The following VPS13B variants were observed in gnomAD, a reference collection of about 807,000 sequenced individuals.
The protein encoded by VPS13B is vacuolar protein sorting 13 homolog B.
Under a neutral mutation model 426.4 loss-of-function variants are expected in VPS13B, and 285 were observed. That is an observed-to-expected ratio of 0.67 (90% CI 0.61 to 0.74). The LOEUF (loss-of-function observed/expected upper bound fraction) is 0.74, where lower values mean the gene tolerates loss of function less well. VPS13B is among the 30% of genes least tolerant of loss of function. VPS13B has a pLI of 0.00. For missense variants in VPS13B, 4,537 were observed against 4,782.6 expected (o/e 0.95, Z 1.51); for synonymous variants, 1,676 against 1,676.4 (o/e 1.00, Z 0.01).
intron 21 of VPS13B, among the ~76,000 whole-genome samples, chr8:99,412,726 T>C (rs1040956786): frequency 6.6e-6 from 1 of 152,184 alleles, no homozygotes; most frequent in African/African-American, 2.4e-5. Flanking sequence ...ATAGCTCTTA[T>C]TATTTTGAGA....
At chr8:99,857,999 G>A (rs797017272) in intron 56 of VPS13B, among the ~76,000 whole-genome samples, 10 of 152,274 alleles carry the variant, frequency 6.6e-5, no homozygotes, top group East Asian at 3.9e-4. Context: ...GGGATTCTTC[G>A]GGACCTTGGC....
At chr8:99,271,195 A>AACTACTACT (rs10538522) in intron 17 of VPS13B, among the ~76,000 whole-genome samples, 12 of 145,288 alleles carry the variant, frequency 8.3e-5, no homozygotes, top group Admixed American at 3.5e-4. Flanking sequence ...TGCTACCACT[A>AACTACTACT]ACTACTACTA....
At chr8:99,581,401 A>G (rs1826052050) in intron 33 of VPS13B, among the ~76,000 whole-genome samples, 1 of 152,160 alleles carries the variant, frequency 6.6e-6, no homozygotes, top group Non-Finnish European at 1.5e-5. Context: ...AAATGACTGG[A>G]TGATGGATTA....
chr8:99,388,789 G>A (rs1217822384), intron 20 of VPS13B, among the ~76,000 whole-genome samples: 2 of 152,178 alleles, frequency 1.3e-5, no homozygotes, highest in African/African-American at 4.8e-5. Context: ...GCATACAAGA[G>A]CCTTACTCTT....
At chr8:99,747,404 T>C (rs1305814727) in intron 39 of VPS13B, among the ~76,000 whole-genome samples, 1 of 152,074 alleles carries the variant, frequency 6.6e-6, no homozygotes, top group African/African-American at 2.4e-5. Flanking sequence ...TGATTAAGGA[T>C]ATATAGGTGA....
chr8:99,248,062 C>T (rs902193765), intron 17 of VPS13B, among the ~76,000 whole-genome samples: 8 of 152,122 alleles, frequency 5.3e-5, no homozygotes, highest in African/African-American at 1.9e-4. Flanking sequence ...TATAAAACTG[C>T]TGGTGAAATG....
Position 99,697,259 on chromosome 8 carries a change from G to A in VPS13B, c.6047-2266G>A. 2 of 585,222 alleles carry A rather than the reference G, an allele frequency of 3.4e-6. 1 individual carries two copies. Among genetic ancestry groups the A allele is most frequent in the South Asian group, 3.7e-5 (2 of 53,754 alleles). The allele number at this position is 585,222 out of a possible 1,614,324, so 36.3% of individuals were successfully genotyped here. On this transcript the variant is annotated intron_variant, in intron 35 of 61. Transcript: ENST00000357162. Reference sequence around the variant, plus strand: ...TGCAGGAGGAGGCAGCCATCCAGCAGGAGCACCACAAGGAGCTGCAGAAGC... The same window carrying A: ...TGCAGGAGGAGGCAGCCATCCAGCAAGAGCACCACAAGGAGCTGCAGAAGC...
At chr8:99,370,851 C>T (rs1813140777) in intron 19 of VPS13B, among the ~76,000 whole-genome samples, 1 of 152,042 alleles carries the variant, frequency 6.6e-6, no homozygotes, top group Admixed American at 6.5e-5. Flanking sequence ...CTCAAGTCAT[C>T]CGCCCATCTC....
chr8:99,142,184 A>G (rs992066867), intron 12 of VPS13B, among the ~76,000 whole-genome samples: 1 of 152,224 alleles, frequency 6.6e-6, no homozygotes, highest in Admixed American at 6.5e-5. Context: ...ATTAGAAGGT[A>G]TAGATATAAA....
intron 3 of VPS13B, among the ~76,000 whole-genome samples, chr8:99,081,966 A>G (rs1845496680): frequency 6.6e-6 from 1 of 152,052 alleles, no homozygotes; most frequent in South Asian, 2.1e-4. Flanking sequence ...TAATCCTTTG[A>G]GTATATACCC....
intron 3 of VPS13B, among the ~76,000 whole-genome samples, chr8:99,053,154 G>T (rs1027861770): frequency 7.3e-5 from 11 of 150,720 alleles, no homozygotes; most frequent in Admixed American, 5.3e-4. Context: ...TTTATTTTTA[G>T]TATACTTTAA....
At chr8:99,352,583 C>T (rs1330975170) in intron 19 of VPS13B, among the ~76,000 whole-genome samples, 3 of 152,104 alleles carry the variant, frequency 2.0e-5, no homozygotes. Context: ...CCTGTAATCC[C>T]AGCACTGAGG....
chr8:99,230,509 T>C (rs1816264002), intron 17 of VPS13B, among the ~76,000 whole-genome samples: 1 of 152,230 alleles, frequency 6.6e-6, no homozygotes, highest in Non-Finnish European at 1.5e-5. Context: ...TTGATTCTTA[T>C]TTAAGATTTA....
rs766323056 is a variant in VPS13B at position 99,575,665 on chromosome 8, C to T, written c.4957C>T (p.Arg1653Trp). The change falls in exon 32 of 62, where the codon CGG becomes TGG. Residue 1653 changes from arginine to tryptophan, a missense_variant. Physicochemically the swap from Arg to Trp is moderately radical, Grantham distance 101 (BLOSUM62 -3). Coordinates refer to ENST00000357162, the MANE Select transcript of VPS13B (RefSeq NM_152564.5). ...TTTTACTCTATCTTTTAGCATACGG[C>T]GGCATCAAGAAAGGAGAGCAATTTT... ...LEWNMASSIR[R>W]HQERRAILTP... is the part of the protein sequence containing the mutation. 15 of 1,613,650 alleles carry T rather than the reference C, an allele frequency of 9.3e-6. No homozygotes were observed. Among genetic ancestry groups the T allele is most frequent in the Admixed American group, 1.7e-5 (1 of 59,924 alleles).
intron 36 of VPS13B, among the ~76,000 whole-genome samples, chr8:99,715,774 A>T (rs1308898557): frequency 6.6e-6 from 1 of 152,220 alleles, no homozygotes; most frequent in African/African-American, 2.4e-5. Context: ...TTAAGGCTAT[A>T]CTTTTATGCC....
chr8:99,412,093 A>C (rs988275459), intron 21 of VPS13B, among the ~76,000 whole-genome samples: 7 of 152,210 alleles, frequency 4.6e-5, no homozygotes, highest in Non-Finnish European at 4.4e-5. Flanking sequence ...GAAGAAAGTC[A>C]ATGGTAGCTT....
rs572220163 is a variant in VPS13B at position 99,267,621 on chromosome 8, G to C, written c.2516-6577G>C. Among the ~76,000 whole-genome samples the C allele has an allele frequency of 2.6e-5, 4 of 152,064 alleles. No homozygotes were observed. In the South Asian group the frequency reaches 8.3e-4, roughly 32 times the overall value. ...GCATGCCTATAATCCCAGCTACTTG[G>C]GAGGCTGAGGCAGGAGAATCGCTTG... On this transcript the variant is annotated intron_variant, in intron 17 of 61. Coordinates refer to ENST00000357162, the MANE Select transcript of VPS13B (RefSeq NM_152564.5).
At chr8:99,411,072 T>C (rs1815627603) in intron 21 of VPS13B, among the ~76,000 whole-genome samples, 2 of 152,202 alleles carry the variant, frequency 1.3e-5, no homozygotes. Context: ...CCTTTGGGTA[T>C]ATACCTGGTA....
intron 31 of VPS13B, among the ~76,000 whole-genome samples, 167 bp downstream of exon 31, chr8:99,556,820 G>T (rs965658): frequency 9.7e-4 from 148 of 152,084 alleles, no homozygotes; most frequent in African/African-American, 3.4e-3. Context: ...GATTTGGCAT[G>T]GAAACCTGCT....
Sources: gnomAD v4.1 joint callset for allele counts (sites outside exome capture counted in the v4.1 genomes callset) on GRCh38, gnomAD v4.1.1 for gene constraint, MANE v1.5 for transcripts, NCBI Gene and HGNC (gene_info 2026-07-23, HGNC 2026-07-21) for gene names.